The following ADGRB3 variants were observed in gnomAD, a reference collection of about 807,000 sequenced individuals.
ADGRB3 encodes the protein adhesion G protein-coupled receptor B3, also known as brain-specific angiogenesis inhibitor 3.
In ADGRB3, 37 loss-of-function variants were observed where a neutral mutation model predicts 193.4. The observed-to-expected ratio is 0.19, with a 90% CI of 0.15 to 0.25. ADGRB3 has a LOEUF of 0.25. ADGRB3 is among the 10% of genes least tolerant of loss of function. The pLI is 1.00. For missense variants in ADGRB3, 1,637 were observed against 1,852.9 expected, an observed-to-expected ratio of 0.88 and a Z score of 2.14; for synonymous variants, 690 against 644.2, an observed-to-expected ratio of 1.07 and a Z score of -1.08.
intron 3 of ADGRB3, among the ~76,000 whole-genome samples, chr6:68,746,686 T>A (rs12154008): frequency 0.4 from 60,060 of 151,816 alleles, 12,405 homozygotes; most frequent in East Asian, 0.65. Context: ...CTCTTCCCCT[T>A]GTCCCTGGTC....
intron 20 of ADGRB3, among the ~76,000 whole-genome samples, chr6:69,295,102 G>A (rs1767781863): frequency 6.6e-6 from 1 of 152,092 alleles, no homozygotes; most frequent in Non-Finnish European, 1.5e-5. Context: ...GAAAGGGAAG[G>A]TAATCAACTT....
At chr6:68,856,086 T>G (rs1764979172) in intron 3 of ADGRB3, among the ~76,000 whole-genome samples, 1 of 152,178 alleles carries the variant, frequency 6.6e-6, no homozygotes, top group African/African-American at 2.4e-5. Context: ...GCCATCCACA[T>G]AAGTTGAGAC....
At chr6:69,184,500 A>G (rs1041901079) in intron 17 of ADGRB3, among the ~76,000 whole-genome samples, 1 of 152,186 alleles carries the variant, frequency 6.6e-6, no homozygotes, top group African/African-American at 2.4e-5. Context: ...TTGGTTGTAC[A>G]TGAAGTTTTA....
At chr6:68,636,481 A>AAAT (rs1767957903) in intron 1 of ADGRB3, among the ~76,000 whole-genome samples, 2 of 125,016 alleles carry the variant, frequency 1.6e-5, no homozygotes, top group Admixed American at 8.1e-5. Flanking sequence ...AATAAATAAA[A>AAAT]CATCCTTGAC....
chr6:69,270,509 A>T (rs1767149702), intron 20 of ADGRB3, among the ~76,000 whole-genome samples: 1 of 152,184 alleles, frequency 6.6e-6, no homozygotes, highest in Non-Finnish European at 1.5e-5. Context: ...AAATAACACT[A>T]TATACTATTT....
intron 3 of ADGRB3, among the ~76,000 whole-genome samples, chr6:68,714,250 A>T (rs1036441346): frequency 1.3e-5 from 2 of 151,862 alleles, no homozygotes; most frequent in African/African-American, 4.8e-5. Flanking sequence ...TATTTTAAAA[A>T]CTTGTTGAGC....
intron 3 of ADGRB3, among the ~76,000 whole-genome samples, chr6:68,650,534 C>G (rs1450769177): frequency 6.6e-6 from 1 of 151,826 alleles, no homozygotes; most frequent in African/African-American, 2.4e-5. Flanking sequence ...AAATTCCTGA[C>G]AGATTAAGAA....
chr6:69,052,568 A>C (rs2150303672), intron 15 of ADGRB3, among the ~76,000 whole-genome samples: 1 of 152,324 alleles, frequency 6.6e-6, no homozygotes, highest in East Asian at 1.9e-4. Flanking sequence ...TTTTTCTCAT[A>C]GAGACTATGA....
intron 3 of ADGRB3, among the ~76,000 whole-genome samples, chr6:68,662,356 A>G (rs1199780126): frequency 1.3e-5 from 2 of 151,580 alleles, no homozygotes; most frequent in Admixed American, 6.6e-5. Flanking sequence ...AATAAGAAAA[A>G]TAATCTAAGA....
chr6:69,064,300 T>TTAAC (rs1202108269), intron 16 of ADGRB3, among the ~76,000 whole-genome samples: 1 of 151,662 alleles, frequency 6.6e-6, no homozygotes, highest in African/African-American at 2.4e-5. Flanking sequence ...TCTAAATAGT[T>TTAAC]TAACTATTTA....
chr6:69,241,456 G>A (rs1766383234), intron 20 of ADGRB3, among the ~76,000 whole-genome samples: 1 of 151,810 alleles, frequency 6.6e-6, no homozygotes, highest in Admixed American at 6.6e-5. Flanking sequence ...CATTTCAAAT[G>A]TCCAATGGCT....
chr6:69,233,216 G>A (rs1247455312), intron 17 of ADGRB3, 74 bp from the exon 18 acceptor site: 15 of 1,561,630 alleles, frequency 9.6e-6, no homozygotes, highest in African/African-American at 1.4e-5. Context: ...CAATTAAACT[G>A]CATTTTCTTC....
chr6:68,715,999 A>T, intron 3 of ADGRB3, among the ~76,000 whole-genome samples: 1 of 151,702 alleles, frequency 6.6e-6, no homozygotes, highest in Middle Eastern at 3.2e-3. Flanking sequence ...CGTCAAAAAA[A>T]TGCCAAATAT....
intron 3 of ADGRB3, among the ~76,000 whole-genome samples, chr6:68,855,198 A>C (rs1764944111): frequency 6.6e-6 from 1 of 152,158 alleles, no homozygotes; most frequent in Non-Finnish European, 1.5e-5. Context: ...TCAACTCCAA[A>C]TATCTTTTAA....
At chr6:69,004,824 G>C (rs898715139) in intron 11 of ADGRB3, among the ~76,000 whole-genome samples, 1 of 152,128 alleles carries the variant, frequency 6.6e-6, no homozygotes, top group Non-Finnish European at 1.5e-5. Context: ...CTGAGATATA[G>C]TGAGCCTATA....
intron 17 of ADGRB3, among the ~76,000 whole-genome samples, chr6:69,194,549 A>C (rs1299898226): frequency 1.3e-5 from 2 of 152,146 alleles, no homozygotes; most frequent in Non-Finnish European, 2.9e-5. Context: ...TTGCGTGAGA[A>C]TGGGCTTGAA....
intron 3 of ADGRB3, among the ~76,000 whole-genome samples, chr6:68,845,951 A>C (rs1768265477): frequency 6.6e-6 from 1 of 152,182 alleles, no homozygotes. Flanking sequence ...AAAATGTGGG[A>C]AAGTTTAGAA....
intron 3 of ADGRB3, among the ~76,000 whole-genome samples, chr6:68,811,523 C>A (rs531076078): frequency 1.3e-5 from 2 of 151,930 alleles, no homozygotes; most frequent in African/African-American, 2.4e-5. Flanking sequence ...GGCTGGAGTG[C>A]GGTGGGATGA....
At chr6:68,863,872 C>T (rs948276305) in intron 3 of ADGRB3, among the ~76,000 whole-genome samples, 18 of 152,018 alleles carry the variant, frequency 1.2e-4, no homozygotes, top group South Asian at 2.1e-4. Context: ...ATTAATATCC[C>T]GGGGATATTT....
Sources: allele counts gnomAD v4.1 joint callset (sites outside exome capture counted in the v4.1 genomes callset), GRCh38; gene constraint gnomAD v4.1.1; transcripts MANE v1.5; gene names NCBI Gene and HGNC (gene_info 2026-07-23, HGNC 2026-07-21).